LRRC7: variants seen among roughly 807,000 people sequenced by gnomAD.
The protein encoded by LRRC7 is leucine rich repeat containing 7, also known as leucine-rich repeat-containing protein 7.
In LRRC7, 23 loss-of-function variants were observed where a neutral mutation model predicts 175.7. The observed-to-expected ratio is 0.13, with a 90% CI of 0.09 to 0.19. The LOEUF (loss-of-function observed/expected upper bound fraction) is 0.19, where lower values mean the gene tolerates loss of function less well. LRRC7 is among the 10% of genes least tolerant of loss of function. The pLI is 1.00. For synonymous variants in LRRC7, 685 were observed against 680.9 expected, an observed-to-expected ratio of 1.01 and a Z score of -0.09; for missense variants, 1,354 against 1,904.7, an observed-to-expected ratio of 0.71 and a Z score of 5.38.
Position 70,044,013 on chromosome 1 carries a change from A to G in LRRC7, c.4029A>G (p.Ser1343=). Residue 1343 remains serine (S), a synonymous_variant, in exon 22 of 27, where the codon TCA becomes TCG. Coordinates refer to ENST00000651989, the MANE Select transcript of LRRC7 (RefSeq NM_001370785.2). Reference sequence around the variant, plus strand: ...GCATGCTGCCCTATGGAGGTATTTCAGCAATGCATGCAGGCAGAAGCATGA... The same window carrying G: ...GCATGCTGCCCTATGGAGGTATTTCGGCAATGCATGCAGGCAGAAGCATGA... ...NLGMLPYGGI[S]AMHAGRSMTL... is the part of the protein sequence containing the mutation. 3 of 1,613,560 alleles carry G rather than the reference A, an allele frequency of 1.9e-6. No individual in the cohort carries two copies. Among genetic ancestry groups the G allele is most frequent in the Non-Finnish European group, 2.5e-6 (3 of 1,179,634 alleles).
rs1341104675 is a variant in LRRC7, at chr1:70,140,124, T to C, written c.*18237T>C. On this transcript the variant is annotated 3_prime_UTR_variant, in exon 27 of 27. Coordinates refer to ENST00000651989, the MANE Select transcript of LRRC7 (RefSeq NM_001370785.2). Reference sequence around the variant, plus strand: ...GATGTGCAATAATCTTGTCGAGTAGTATGTGCTGGTTTTGGAAAGGTGAAA... The same window carrying C: ...GATGTGCAATAATCTTGTCGAGTAGCATGTGCTGGTTTTGGAAAGGTGAAA... 6.6e-6 allele frequency: 1 copy of C among 152,102 alleles called. No individual in the cohort carries two copies. Among genetic ancestry groups the C allele is most frequent in the African/African-American group, 2.4e-5 (1 of 41,432 alleles). 9.4% of individuals were successfully genotyped at this position (152,102 alleles called of 1,614,324 possible). A position where few individuals can be genotyped will look rare whatever the true frequency, so the allele number is the denominator to read the frequency against.
intron 8 of LRRC7, among the ~76,000 whole-genome samples, chr1:69,939,928 T>G (rs1648538134): frequency 6.6e-6 from 1 of 152,136 alleles, no homozygotes; most frequent in Non-Finnish European, 1.5e-5. Flanking sequence ...AGCTGTCTTT[T>G]GAAGCATCAA....
At chr1:69,659,553 TGAATAATAACTGATATCTCAACA>T (rs1657144361) in intron 1 of LRRC7, among the ~76,000 whole-genome samples, 1 of 150,042 alleles carries the variant, frequency 6.7e-6, no homozygotes, top group African/African-American at 2.4e-5. Context: ...GAAGGACAGT[TGAATAATAACTGATATCTCAACA>T]GCTGCAATGA....
Position 69,939,003 on chromosome 1 carries a change from ATATATATATATC to A in LRRC7, c.711+7445_711+7456del, listed in dbSNP as rs1203163574. On this transcript the variant is annotated intron_variant, in intron 8 of 26. Coordinates refer to ENST00000651989, the MANE Select transcript of LRRC7 (RefSeq NM_001370785.2). ...GCCACTAAGGCTGTAGATTATATAT[ATATATATATATC>A]TATATATATATATATCTATATATAT... Among the ~76,000 whole-genome samples, 19 of 98,390 alleles carry A rather than the reference ATATATATATATC, an allele frequency of 1.9e-4. 1 individual carries two copies. The highest frequency in any genetic ancestry group is 5.3e-4 in the African/African-American group (15 of 28,296). 64.5% of individuals were successfully genotyped at this position (98,390 alleles called of 152,430 possible).
intron 7 of LRRC7, among the ~76,000 whole-genome samples, chr1:69,929,722 C>T (rs1033323332): frequency 9.2e-5 from 14 of 152,168 alleles, no homozygotes; most frequent in African/African-American, 3.4e-4. Context: ...TGTTTATAAG[C>T]CTGCAATCAC....
chr1:70,099,087 A>G (rs1324283486), intron 25 of LRRC7, among the ~76,000 whole-genome samples: 2 of 148,198 alleles, frequency 1.3e-5, no homozygotes, highest in African/African-American at 2.5e-5. Flanking sequence ...ATACTGGCAA[A>G]CCGAATCCAG....
intron 7 of LRRC7, among the ~76,000 whole-genome samples, chr1:69,848,431 C>A (rs573046317): frequency 6.6e-5 from 10 of 152,028 alleles, no homozygotes; most frequent in African/African-American, 2.4e-4. Flanking sequence ...TTGGTAGGTG[C>A]ACAAAAAAAT....
At chr1:69,918,992 T>C (rs1410074670) in intron 7 of LRRC7, among the ~76,000 whole-genome samples, 1 of 152,206 alleles carries the variant, frequency 6.6e-6, no homozygotes, top group Non-Finnish European at 1.5e-5. Flanking sequence ...CATGAAGTTA[T>C]GAACCAAAGG....
At chr1:69,971,521 A>G (rs1327136025) in intron 8 of LRRC7, among the ~76,000 whole-genome samples, 1 of 152,178 alleles carries the variant, frequency 6.6e-6, no homozygotes, top group Non-Finnish European at 1.5e-5. Context: ...CCCCTTTTAC[A>G]ATAGCTGCAA....
intron 2 of LRRC7, among the ~76,000 whole-genome samples, chr1:69,759,088 G>A (rs1013043109): frequency 1.3e-5 from 2 of 151,972 alleles, no homozygotes; most frequent in Non-Finnish European, 2.9e-5. Flanking sequence ...ATGATTAGTG[G>A]TGTGGGAACT....
chr1:70,027,483 A>T lies in LRRC7; in HGVS notation c.1795-688A>T, dbSNP rs1017999494. ...CAAATTTTACACATGTACCTAAAAT[A>T]TCTTAGAAAGTGGTCCCAATTTTTA... On this transcript the variant is annotated intron_variant, in intron 17 of 26. Transcript: ENST00000651989. 1.4e-4 allele frequency among the ~76,000 whole-genome samples: 22 copies of T among 152,320 alleles called. No homozygotes were observed. The East Asian group carries it at 4.0e-3, about 28-fold the overall frequency.
chr1:69,655,463 A>T (rs951494349), intron 1 of LRRC7, among the ~76,000 whole-genome samples: 1 of 152,068 alleles, frequency 6.6e-6, no homozygotes, highest in African/African-American at 2.4e-5. Flanking sequence ...GAAAGATGGG[A>T]AAGGCAAAGT....
At chr1:69,960,899 GCATTCCCCTTGAAA>G (rs1651006939) in intron 8 of LRRC7, among the ~76,000 whole-genome samples, 8 of 152,126 alleles carry the variant, frequency 5.3e-5, no homozygotes, top group African/African-American at 1.9e-4. Flanking sequence ...AAAGCTGGAA[GCATTCCCCTTGAAA>G]ACTAGCAAAA....
intron 7 of LRRC7, among the ~76,000 whole-genome samples, chr1:69,846,038 A>G (rs1245443896): frequency 1.3e-5 from 2 of 152,140 alleles, no homozygotes; most frequent in Non-Finnish European, 2.9e-5. Context: ...AGAATTATAC[A>G]TAGAAACAGA....
intron 1 of LRRC7, among the ~76,000 whole-genome samples, chr1:69,625,709 G>A (rs1651407804): frequency 6.6e-6 from 1 of 151,848 alleles, no homozygotes; most frequent in African/African-American, 2.4e-5. Context: ...TTCCATTATT[G>A]TTGTTTCAAA....
intron 4 of LRRC7, among the ~76,000 whole-genome samples, chr1:69,796,716 C>G (rs1014571411): frequency 1.2e-4 from 19 of 152,042 alleles, no homozygotes; most frequent in African/African-American, 2.4e-5. Context: ...ATCGCTTGAA[C>G]CTAGGAGGCG....
intron 2 of LRRC7, among the ~76,000 whole-genome samples, chr1:69,703,336 T>G (rs1292057345): frequency 1.3e-5 from 2 of 152,094 alleles, no homozygotes; most frequent in East Asian, 3.8e-4. Context: ...AATCTAGTTT[T>G]ACTTCATTTC....
intron 4 of LRRC7, among the ~76,000 whole-genome samples, chr1:69,800,775 T>C (rs1113931): frequency 0.41 from 61,593 of 151,652 alleles, 12,538 homozygotes; most frequent in East Asian, 0.5. Context: ...TAATACTATA[T>C]TGAAGAGAGT....
intron 1 of LRRC7, among the ~76,000 whole-genome samples, chr1:69,642,486 A>G (rs1003979983): frequency 3.3e-5 from 5 of 152,088 alleles, no homozygotes; most frequent in Admixed American, 2.6e-4. Flanking sequence ...AGTAAATATA[A>G]TAACTTACTT....
Sources: allele counts gnomAD v4.1 joint callset (sites outside exome capture counted in the v4.1 genomes callset), GRCh38; gene constraint gnomAD v4.1.1; transcripts MANE v1.5; gene names NCBI Gene and HGNC (gene_info 2026-07-23, HGNC 2026-07-21).